Variants in AGAP1 observed in about 807,000 individuals in gnomAD.
AGAP1 encodes the protein ArfGAP with GTPase domain, ankyrin repeat and PH domain 1.
AGAP1 carries 29 observed loss-of-function variants against 105.3 expected under a neutral mutation model. That is an observed-to-expected ratio of 0.28 (90% confidence interval 0.21 to 0.38). The LOEUF (loss-of-function observed/expected upper bound fraction) is 0.38. Among genes scored for constraint, AGAP1 ranks in the 10% least tolerant of loss-of-function variants. The probability of loss-of-function intolerance (pLI) is 1.00; values close to 1 mark genes in which losing one functional copy is unlikely to be tolerated. For missense variants in AGAP1, 998 were observed against 1,165.1 expected (o/e 0.86, Z 2.09); for synonymous variants, 509 against 485.9 (o/e 1.05, Z -0.63).
Position 235,642,674 on chromosome 2 carries a change from A to G in AGAP1, c.164-66505A>G, listed in dbSNP as rs1947238583. Reference sequence around the variant, plus strand: ...TGAATCAGCGGGTGCTCTGACCACTACTTTCCCAAGGCTACTTTGCTTCAG... The same window carrying G: ...TGAATCAGCGGGTGCTCTGACCACTGCTTTCCCAAGGCTACTTTGCTTCAG... On this transcript the variant is annotated intron_variant, in intron 1 of 17. Transcript: ENST00000304032. The surrounding 1 kb of genome is among the most constrained non-coding windows in gnomAD (Gnocchi z 4.1). 6.6e-6 allele frequency among the ~76,000 whole-genome samples: 1 copy of G among 152,220 alleles called. No individual in the cohort carries two copies. The highest frequency in any genetic ancestry group is 6.5e-5 in the Admixed American group (1 of 15,286).
In AGAP1 at chr2:236,038,256, G is replaced by C. The variant is rs145283826; in HGVS notation, c.1800+1541G>C. On this transcript the variant is annotated intron_variant, in intron 14 of 17. Transcript: ENST00000304032. The surrounding 1 kb of genome is among the most constrained non-coding windows in gnomAD (Gnocchi z 4.5). ...CAACAGCACACAGCATCCTCCAAGC[G>C]TGGGCAGCTCATTCTGAGAAGGAAG... Among the ~76,000 whole-genome samples, 2 of 152,306 alleles carry C rather than the reference G, an allele frequency of 1.3e-5. No homozygotes were observed. The highest frequency in any genetic ancestry group is 2.9e-5 in the Non-Finnish European group (2 of 68,032).
At chr2:235,538,620 T>G (rs1307839427) in intron 1 of AGAP1, among the ~76,000 whole-genome samples, 1 of 152,010 alleles carries the variant, frequency 6.6e-6, no homozygotes. Context: ...GTAACTCCAG[T>G]CTCCGCCACG....
At chr2:235,758,793 T>C (rs114938198) in intron 6 of AGAP1, among the ~76,000 whole-genome samples, 2,498 of 151,098 alleles carry the variant, frequency 0.017, 70 homozygotes, top group African/African-American at 0.059. Context: ...ACGTAAGGCG[T>C]GTTGTTTTTG....
At chr2:236,102,142 G>A (rs373164969) in intron 16 of AGAP1, among the ~76,000 whole-genome samples, 644 of 152,254 alleles carry the variant, frequency 4.2e-3, no homozygotes, top group African/African-American at 0.015. Flanking sequence ...ATTAGGCCGG[G>A]CGCGGTGGCT....
At chr2:235,702,555 T>A (rs910097691) in intron 1 of AGAP1, among the ~76,000 whole-genome samples, 2 of 152,230 alleles carry the variant, frequency 1.3e-5, no homozygotes, top group Admixed American at 6.5e-5. Context: ...TGAGGTAGAA[T>A]GCTAAGATAG....
intron 13 of AGAP1, among the ~76,000 whole-genome samples, chr2:235,986,026 A>G (rs1364300437): frequency 6.6e-6 from 1 of 152,150 alleles, no homozygotes; most frequent in African/African-American, 2.4e-5. Context: ...GTAGTTTCAT[A>G]GGAATAGCAT....
intron 1 of AGAP1, among the ~76,000 whole-genome samples, chr2:235,650,835 G>A (rs1371008481): frequency 1.3e-5 from 2 of 152,082 alleles, no homozygotes; most frequent in African/African-American, 4.8e-5. Flanking sequence ...TGAAGACCTG[G>A]GTCTGGCAGA....
chr2:235,917,841 C>T (rs892107383), intron 11 of AGAP1, among the ~76,000 whole-genome samples: 3 of 152,142 alleles, frequency 2.0e-5, no homozygotes, highest in Admixed American at 2.0e-4. Context: ...ACATTATCCC[C>T]GTTGTGTGGC....
rs118055031 is a variant in AGAP1 at position 235,520,953 on chromosome 2, A to G, written c.163+26104A>G. ...TCTGTGTTCTCTTGACATGACATTGACCACTTCCTGGATTTCTGATGTCAC... is the reference window on the plus strand; with the variant it reads ...TCTGTGTTCTCTTGACATGACATTGGCCACTTCCTGGATTTCTGATGTCAC... On this transcript the variant is annotated intron_variant, in intron 1 of 17. Transcript: ENST00000304032. Among the ~76,000 whole-genome samples, 524 of 152,236 alleles carry G rather than the reference A, an allele frequency of 3.4e-3. 9 individuals carry two copies. The highest frequency in any genetic ancestry group is 0.032 in the East Asian group (163 of 5,174).
Position 235,729,207 on chromosome 2 carries a change from T to C in AGAP1, c.310+11563T>C, listed in dbSNP as rs926368314. 2.0e-5 allele frequency among the ~76,000 whole-genome samples: 3 copies of C among 152,162 alleles called. No individual in the cohort carries two copies. Among genetic ancestry groups the C allele is most frequent in the African/African-American group, 4.8e-5 (2 of 41,388 alleles). On this transcript the variant is annotated intron_variant, in intron 3 of 17. Coordinates refer to ENST00000304032, the MANE Select transcript of AGAP1 (RefSeq NM_001037131.3). The surrounding 1 kb of genome is among the most constrained non-coding windows in gnomAD (Gnocchi z 5.0). ...TGGAACCCATCACCATGAAGCCCCC[T>C]GCACTAACTAGGGCGTGTGCCCCTT...
chr2:236,118,429 A>T (rs1234301859), intron 16 of AGAP1, among the ~76,000 whole-genome samples: 1 of 116,900 alleles, frequency 8.6e-6, no homozygotes. Context: ...TCATTCTGTT[A>T]CCCAGGCTGG....
chr2:236,065,516 C>T (rs903596408), intron 16 of AGAP1, among the ~76,000 whole-genome samples: 1 of 152,224 alleles, frequency 6.6e-6, no homozygotes, highest in African/African-American at 2.4e-5. Flanking sequence ...ATCAGGCTCT[C>T]TCTGGAATAG....
intron 1 of AGAP1, among the ~76,000 whole-genome samples, chr2:235,594,965 G>A (rs1945476556): frequency 6.6e-6 from 1 of 150,524 alleles, no homozygotes; most frequent in Admixed American, 6.6e-5. Flanking sequence ...CTATCTAGAG[G>A]AGGTAGCTGG....
In AGAP1 at chr2:235,992,099, G is replaced by A. The variant is rs2055590294; in HGVS notation, c.1645+23476G>A. On this transcript the variant is annotated intron_variant, in intron 13 of 17. Transcript: ENST00000304032. The surrounding 1 kb of genome is among the most constrained non-coding windows in gnomAD (Gnocchi z 4.8). ...CCGTGTGTGGAGAAGGGTTGTGATG[G>A]TGGCCATCACGAGACCCAGATAACA... Among the ~76,000 whole-genome samples the A allele has an allele frequency of 6.6e-6, 1 of 152,220 alleles. No homozygotes were observed. Among genetic ancestry groups the A allele is most frequent in the Admixed American group, 6.5e-5 (1 of 15,288 alleles).
At chr2:235,972,746 C>G (rs1343662230) in intron 13 of AGAP1, among the ~76,000 whole-genome samples, 2 of 152,176 alleles carry the variant, frequency 1.3e-5, no homozygotes, top group Admixed American at 1.3e-4. Flanking sequence ...CCAACAGAAG[C>G]CGTAGAGTGT....
chr2:236,056,896 G>A lies in AGAP1; in HGVS notation c.2114+7615G>A, dbSNP rs530212145. 4.9e-4 allele frequency among the ~76,000 whole-genome samples: 75 copies of A among 152,224 alleles called. No homozygotes were observed. The highest frequency in any genetic ancestry group is 9.8e-4 in the Admixed American group (15 of 15,290). The stretch of plus-strand genomic sequence containing the variant: ...CCTGTTCCTTTTCTGCCAAATCCAC[G>A]TCAGTAGCGGCATTGGGAGAACCGC... On this transcript the variant is annotated intron_variant, in intron 16 of 17. Coordinates refer to ENST00000304032, the MANE Select transcript of AGAP1 (RefSeq NM_001037131.3). The surrounding 1 kb of genome is among the most constrained non-coding windows in gnomAD (Gnocchi z 4.6).
In AGAP1 at chr2:236,120,150, C is replaced by T. The variant is rs1244373561; in HGVS notation, c.2115-42C>T. 3.8e-6 allele frequency: 6 copies of T among 1,576,614 alleles called. No homozygotes were observed. The highest frequency in any genetic ancestry group is 2.2e-5 in the East Asian group (1 of 44,508). ...GGCAGGGGCTGGCAGCCTGTGTTCT[C>T]GGGCCTGATCGTGACTGCACCTGTC... is the stretch of plus-strand genomic sequence containing the variant. On this transcript the variant is annotated intron_variant, in intron 16 of 17. Transcript: ENST00000304032. The surrounding 1 kb of genome is among the most constrained non-coding windows in gnomAD (Gnocchi z 6.0).
intron 1 of AGAP1, among the ~76,000 whole-genome samples, chr2:235,624,058 A>G (rs568441398): frequency 1.3e-5 from 2 of 152,356 alleles, no homozygotes; most frequent in East Asian, 3.9e-4. Context: ...GCCAGTGGCC[A>G]AATATCAGCT....
In AGAP1 at chr2:235,631,411, C is replaced by T. The variant is rs1477114148; in HGVS notation, c.164-77768C>T. On this transcript the variant is annotated intron_variant, in intron 1 of 17. Transcript: ENST00000304032. The surrounding 1 kb of genome is among the most constrained non-coding windows in gnomAD (Gnocchi z 5.4). Reference sequence around the variant, plus strand: ...AAGGAGAGGCCACGAGGCGGGAGAGCCAAGGAGGACAGCCTCCGGGTGGGC... The same window carrying T: ...AAGGAGAGGCCACGAGGCGGGAGAGTCAAGGAGGACAGCCTCCGGGTGGGC... Among the ~76,000 whole-genome samples the T allele has an allele frequency of 6.6e-6, 1 of 152,150 alleles. No homozygotes were observed. The highest frequency in any genetic ancestry group is 2.4e-5 in the African/African-American group (1 of 41,432).
Sources: allele counts gnomAD v4.1 joint callset (sites outside exome capture counted in the v4.1 genomes callset), GRCh38; gene constraint gnomAD v4.1.1; non-coding constraint Gnocchi (gnomAD v3.1); transcripts MANE v1.5; gene names NCBI Gene and HGNC (gene_info 2026-07-23, HGNC 2026-07-21).